The following ARHGEF37 variants were observed in gnomAD, a reference collection of about 807,000 sequenced individuals.
ARHGEF37 encodes Rho guanine nucleotide exchange factor (GEF) 37.
A neutral mutation model predicts 71.1 loss-of-function variants in ARHGEF37; 55 were observed. The ratio of observed to expected loss-of-function variants is 0.77; its 90% confidence interval spans 0.62 to 0.97. ARHGEF37 has a LOEUF of 0.97. Among genes scored for constraint, ARHGEF37 ranks in the 50% least tolerant of loss-of-function variants. The pLI, the probability that ARHGEF37 is intolerant of heterozygous loss-of-function variation, is 0.00. For missense variants in ARHGEF37, 765 were observed against 836.8 expected, an observed-to-expected ratio of 0.91 and a Z score of 1.06; for synonymous variants, 327 against 350.6, an observed-to-expected ratio of 0.93 and a Z score of 0.75.
intron 1 of ARHGEF37, among the ~76,000 whole-genome samples, chr5:149,586,254 A>C (rs531294934): frequency 7.2e-5 from 11 of 152,098 alleles, no homozygotes; most frequent in South Asian, 2.1e-4. Flanking sequence ...GACAAATTTT[A>C]TGTTTTTCTG....
Position 149,585,159 on chromosome 5 carries a change from C to T in ARHGEF37, c.-12+3535C>T, listed in dbSNP as rs554828001. ...AAAGATTGGCTCTACCAGATGTTGACCAGAAGGTAGAGGAACTGGATCTCT... is the reference window on the plus strand; with the variant it reads ...AAAGATTGGCTCTACCAGATGTTGATCAGAAGGTAGAGGAACTGGATCTCT... On this transcript the variant is annotated intron_variant, in intron 1 of 12. Coordinates refer to ENST00000333677, the MANE Select transcript of ARHGEF37 (RefSeq NM_001001669.3). Among the ~76,000 whole-genome samples the T allele has an allele frequency of 4.0e-3, 614 of 152,218 alleles. 6 individuals are homozygous for T. The highest frequency in any genetic ancestry group is 0.014 in the African/African-American group (594 of 41,534).
chr5:149,564,012 G>A (rs1762868745), intron 1 of ARHGEF37, among the ~76,000 whole-genome samples: 1 of 147,836 alleles, frequency 6.8e-6, no homozygotes, highest in African/African-American at 2.5e-5. Flanking sequence ...GAGTGCAGTG[G>A]CGCGATCTTG....
At chr5:149,622,960 A>G (rs939746289) in intron 9 of ARHGEF37, among the ~76,000 whole-genome samples, 1 of 151,890 alleles carries the variant, frequency 6.6e-6, no homozygotes, top group African/African-American at 2.4e-5. Context: ...TCCCCATCCA[A>G]TTCTTTGCAT....
At chr5:149,601,294 G>A in intron 3 of ARHGEF37, 63 bp downstream of exon 3, 1 of 1,560,950 alleles carries the variant, frequency 6.4e-7, no homozygotes, top group South Asian at 1.2e-5. Flanking sequence ...TCAGCGAGTG[G>A]TCACTGCTTA....
chr5:149,615,407 G>C (rs1468369850), intron 4 of ARHGEF37, among the ~76,000 whole-genome samples: 2 of 150,866 alleles, frequency 1.3e-5, no homozygotes, highest in African/African-American at 2.4e-5. Context: ...TTCATAAAAA[G>C]TTTCAAAACT....
chr5:149,597,378 G>A (rs548271019), intron 1 of ARHGEF37, among the ~76,000 whole-genome samples: 19 of 152,146 alleles, frequency 1.2e-4, no homozygotes, highest in East Asian at 5.8e-4. Context: ...CTGCCTCAGC[G>A]TATCTGAGTA....
At chr5:149,612,501 A>C (rs536707054) in intron 4 of ARHGEF37, among the ~76,000 whole-genome samples, 35 of 152,358 alleles carry the variant, frequency 2.3e-4, no homozygotes, top group African/African-American at 7.0e-4. Context: ...TAAGAGAAAG[A>C]AGGAAATAAC....
intron 4 of ARHGEF37, among the ~76,000 whole-genome samples, chr5:149,610,016 T>G (rs1243653250): frequency 6.6e-6 from 1 of 152,162 alleles, no homozygotes; most frequent in Non-Finnish European, 1.5e-5. Context: ...GTGGCTTAAG[T>G]AAAAAGAGCT....
Position 149,601,118 on chromosome 5 carries a change from G to A in ARHGEF37, c.197G>A (p.Gly66Glu), listed in dbSNP as rs779637510. The A allele has an allele frequency of 1.4e-5, 22 of 1,610,820 alleles. 1 individual carries two copies. In the South Asian group the frequency reaches 2.2e-4, roughly 16 times the overall value. ...IRSRLQQLPQGDLDVLFSNID... is the reference protein window; with the variant it reads ...IRSRLQQLPQEDLDVLFSNID... ...CTTTGTTCCTTCCAGTTGCCGCAGG[G>A]AGATCTGGATGTCCTGTTCTCAAAC... Residue 66 changes from glycine to glutamate, a missense_variant, in exon 3 of 13, where the codon GGA becomes GAA. By Grantham distance (98) the Gly-to-Glu change is moderately conservative. Transcript: ENST00000333677.
chr5:149,577,364 TAAAAG>T (rs1449667825), upstream of ARHGEF37, among the ~76,000 whole-genome samples: 9 of 152,320 alleles, frequency 5.9e-5, no homozygotes, highest in East Asian at 1.7e-3. Context: ...ACTGAGACTC[TAAAAG>T]AGGTAGACAG....
chr5:149,577,264 C>T (rs186033506), upstream of ARHGEF37, among the ~76,000 whole-genome samples: 386 of 152,238 alleles, frequency 2.5e-3, 1 homozygote, highest in Admixed American at 4.1e-3. Flanking sequence ...ATGTATTAGG[C>T]ACTCAATAAG....
chr5:149,626,358 A>G (rs1185101793), intron 10 of ARHGEF37, among the ~76,000 whole-genome samples: 1 of 152,192 alleles, frequency 6.6e-6, no homozygotes, highest in Non-Finnish European at 1.5e-5. Context: ...CAAAAAGAGG[A>G]CAAGCATCCC....
chr5:149,627,694 G>A (rs1345007615), intron 11 of ARHGEF37, among the ~76,000 whole-genome samples: 2 of 152,188 alleles, frequency 1.3e-5, no homozygotes, highest in African/African-American at 4.8e-5. Context: ...AATGAGGGGA[G>A]CGATCATCCT....
rs1025197989 is a variant in ARHGEF37, at chr5:149,571,831, C to G, written c.-12+19708C>G. Among the ~76,000 whole-genome samples, 3 of 140,996 alleles carry G rather than the reference C, an allele frequency of 2.1e-5. No individual in the cohort carries two copies. In the South Asian group the frequency reaches 6.7e-4, roughly 31 times the overall value. 92.5% of individuals were successfully genotyped at this position (140,996 alleles called of 152,430 possible). The stretch of plus-strand genomic sequence containing the variant: ...CTGAGGTGGGAGGATTGCTTGAGCC[C>G]AAGAGATCGAGGCTGCAGTGAGCTG... On this transcript the variant is annotated intron_variant, in intron 1 of 2. Transcript: ENST00000505810.
chr5:149,610,336 AC>A (rs1433839748), intron 4 of ARHGEF37, among the ~76,000 whole-genome samples: 1 of 152,214 alleles, frequency 6.6e-6, no homozygotes, highest in African/African-American at 2.4e-5. Context: ...GGAGAGTATC[AC>A]CAGTCCGTGG....
chr5:149,629,655 G>A (rs1029948886), intron 12 of ARHGEF37, among the ~76,000 whole-genome samples: 2 of 152,200 alleles, frequency 1.3e-5, no homozygotes, highest in African/African-American at 4.8e-5. Flanking sequence ...TGGAGAGGTG[G>A]GCAGGGACAG....
intron 1 of ARHGEF37, among the ~76,000 whole-genome samples, chr5:149,589,858 G>T (rs920530727): frequency 6.6e-6 from 1 of 151,768 alleles, no homozygotes; most frequent in Admixed American, 6.6e-5. Context: ...ATAGAGATGG[G>T]GTCTCACTGT....
rs181012761 is a variant in ARHGEF37, at chr5:149,557,339, T to G, written c.-12+5216T>G. 1.2e-3 allele frequency among the ~76,000 whole-genome samples: 177 copies of G among 151,884 alleles called. 1 individual carries two copies. Among genetic ancestry groups the G allele is most frequent in the African/African-American group, 4.1e-3 (168 of 41,418 alleles). ...ACATCAAAGTTGTTTGACCTAAGAG[T>G]AGGATTTACAGTAAATATCTGCTGT... is the stretch of plus-strand genomic sequence containing the variant. On this transcript the variant is annotated intron_variant, in intron 1 of 2. Coordinates refer to the ARHGEF37 transcript ENST00000505810.
At chr5:149,560,325 G>C (rs1427340051) in intron 1 of ARHGEF37, among the ~76,000 whole-genome samples, 1 of 152,078 alleles carries the variant, frequency 6.6e-6, no homozygotes, top group Non-Finnish European at 1.5e-5. Flanking sequence ...TGATGGTCAG[G>C]CTGGTCTCGA....
Sources: gnomAD v4.1 joint callset for allele counts (sites outside exome capture counted in the v4.1 genomes callset) on GRCh38, gnomAD v4.1.1 for gene constraint, MANE v1.5 for transcripts, NCBI Gene and HGNC (gene_info 2026-07-23, HGNC 2026-07-21) for gene names.